Variants in IL20RB observed in about 807,000 individuals in gnomAD.
IL20RB encodes interleukin 20 receptor subunit beta.
Under a neutral mutation model 33.3 loss-of-function variants are expected in IL20RB, and 21 were observed. That is an observed-to-expected ratio of 0.63 (90% CI 0.45 to 0.91). The LOEUF (loss-of-function observed/expected upper bound fraction) is 0.91. IL20RB is among the 40% of genes least tolerant of loss of function. IL20RB has a pLI of 0.00. For synonymous variants in IL20RB, 147 were observed against 146.8 expected (o/e 1.00, Z -0.01); for missense variants, 345 against 384.8 (o/e 0.90, Z 0.86).
chr3:136,987,495 C>T (rs1041549698), intron 3 of IL20RB, among the ~76,000 whole-genome samples: 1 of 152,244 alleles, frequency 6.6e-6, no homozygotes, highest in African/African-American at 2.4e-5. Flanking sequence ...CTCCAAGGCC[C>T]CACCAGACTC....
Position 136,958,188 on chromosome 3 carries a change from A to G in IL20RB, c.75A>G (p.Pro25=), listed in dbSNP as rs750281696. Residue 25 remains proline, a synonymous_variant, in exon 1 of 7, where the codon CCA becomes CCG. Coordinates refer to ENST00000329582, the MANE Select transcript of IL20RB (RefSeq NM_144717.4). ...LFMWFFYALI[P]CLLTDEVAIL... ...TGTGGTTTTTCTACGCATTGATTCC[A>G]TGTTTGCTCACAGGTAAGTATGAAT... is the stretch of plus-strand genomic sequence containing the variant. 2.5e-6 allele frequency: 4 copies of G among 1,603,140 alleles called. No individual in the cohort carries two copies. The highest frequency in any genetic ancestry group is 1.7e-5 in the Admixed American group (1 of 60,008).
chr3:136,978,351 A>G (rs1428341177), intron 1 of IL20RB, among the ~76,000 whole-genome samples: 1 of 151,884 alleles, frequency 6.6e-6, no homozygotes, highest in African/African-American at 2.4e-5. Context: ...TTTTTAGTAG[A>G]GACTGGGTTT....
chr3:136,983,723 G>A (rs886373768), intron 3 of IL20RB, among the ~76,000 whole-genome samples: 1 of 152,246 alleles, frequency 6.6e-6, no homozygotes, highest in Non-Finnish European at 1.5e-5. Flanking sequence ...CCGGCTTTGA[G>A]ACTGAGATTT....
intron 1 of IL20RB, among the ~76,000 whole-genome samples, chr3:136,963,238 G>A (rs796895422): frequency 2.8e-4 from 43 of 152,278 alleles, no homozygotes; most frequent in African/African-American, 9.6e-4. Context: ...GCCGATTCCA[G>A]CTTGACTGTG....
chr3:137,010,029 C>A, intron 6 of IL20RB, 84 bp from the exon 7 acceptor site: 4 of 721,832 alleles, frequency 5.5e-6, no homozygotes, highest in Admixed American at 2.3e-5. Flanking sequence ...ATTAATTAAT[C>A]AAATAGTTAA....
At position 137,010,568 on chromosome 3, in the gene IL20RB, A is replaced by G; in HGVS notation, c.*345A>G. 4.7e-6 allele frequency: 1 copy of G among 212,498 alleles called. No homozygotes were observed. The highest frequency in any genetic ancestry group is 9.5e-6 in the Non-Finnish European group (1 of 105,362). 13.2% of individuals were successfully genotyped at this position (212,498 alleles called of 1,614,324 possible). A position where few individuals can be genotyped will look rare whatever the true frequency, so the allele number is the denominator to read the frequency against. ...ACACACACACAGAGTCTCTCTCTAT[A>G]TATACACACGTACACATAAATACAC... On this transcript the variant is annotated 3_prime_UTR_variant, in exon 7 of 7. Transcript: ENST00000329582.
At position 137,010,221 on chromosome 3, in the gene IL20RB, T is replaced by C. The variant is rs776946622; in HGVS notation, c.934T>C (p.Ter312GlnextTer15). 6.6e-6 allele frequency: 10 copies of C among 1,511,888 alleles called. No homozygotes were observed. In the South Asian group the frequency reaches 1.0e-4, roughly 15 times the overall value. 93.7% of individuals were successfully genotyped at this position (1,511,888 alleles called of 1,614,324 possible). The change falls in exon 7 of 7, where the codon TAG becomes CAG. Residue 312 changes from the stop codon to glutamine (Q), a stop_lost. Coordinates refer to ENST00000329582, the MANE Select transcript of IL20RB (RefSeq NM_144717.4). ...PEELLRAWIS[*>Q] ...GGAACTCCTCAGGGCCTGGATCTCA[T>C]AGGTTTGCGGAAGGGCCCAGGTGAA...
chr3:136,999,497 T>G (rs550798625), intron 6 of IL20RB, among the ~76,000 whole-genome samples: 7 of 151,820 alleles, frequency 4.6e-5, no homozygotes, highest in Non-Finnish European at 1.0e-4. Context: ...CGCCTTGGCC[T>G]CCCAAAGTGT....
chr3:136,982,575 G>A (rs946654809), intron 3 of IL20RB, among the ~76,000 whole-genome samples: 1 of 152,196 alleles, frequency 6.6e-6, no homozygotes, highest in Non-Finnish European at 1.5e-5. Flanking sequence ...CTGACTGTCT[G>A]TGTCAGGGTG....
rs369286516 is a variant in IL20RB, at chr3:136,984,890, A to G, written c.406+2540A>G. Among the ~76,000 whole-genome samples, 43 of 152,218 alleles carry G rather than the reference A, an allele frequency of 2.8e-4. 1 individual carries two copies. Among genetic ancestry groups the G allele is most frequent in the African/African-American group, 1.0e-3 (42 of 41,542 alleles). On this transcript the variant is annotated intron_variant, in intron 3 of 6. Coordinates refer to ENST00000329582, the MANE Select transcript of IL20RB (RefSeq NM_144717.4). ...AAGGGGCCCTGTAGGGCACTGCAAA[A>G]CTGCCACTACCTGCAGTGCCCAGGC...
chr3:136,963,692 T>TTTA (rs141567339), intron 1 of IL20RB, among the ~76,000 whole-genome samples: 165 of 132,066 alleles, frequency 1.2e-3, no homozygotes, highest in East Asian at 3.9e-3. Flanking sequence ...TTTTTTTTTT[T>TTTA]ATTTTTTTTT....
intron 6 of IL20RB, among the ~76,000 whole-genome samples, chr3:137,006,209 A>AT (rs1205464517): frequency 6.6e-6 from 1 of 151,488 alleles, no homozygotes; most frequent in Non-Finnish European, 1.5e-5. Context: ...TTTTTCCTTC[A>AT]TTTCAACCTT....
At chr3:136,979,959 C>T (rs756301116) in intron 1 of IL20RB, among the ~76,000 whole-genome samples, 6 of 152,142 alleles carry the variant, frequency 3.9e-5, no homozygotes, top group Non-Finnish European at 8.8e-5. Flanking sequence ...TGCTTAAAGC[C>T]ACATAGTAAG....
intron 1 of IL20RB, among the ~76,000 whole-genome samples, chr3:136,964,545 GT>G (rs1941320060): frequency 5.3e-5 from 3 of 56,850 alleles, no homozygotes; most frequent in African/African-American, 8.2e-5. Context: ...GGGGTTGTTT[GT>G]TTTTTTCTTG....
chr3:136,963,795 A>C, intron 1 of IL20RB, among the ~76,000 whole-genome samples: 1 of 102,196 alleles, frequency 9.8e-6, no homozygotes, highest in East Asian at 3.3e-4. Context: ...TGCACCCACT[A>C]ACGTGTCATC....
chr3:137,000,480 G>A (rs1942221923), intron 6 of IL20RB, among the ~76,000 whole-genome samples: 1 of 152,202 alleles, frequency 6.6e-6, no homozygotes, highest in Non-Finnish European at 1.5e-5. Flanking sequence ...AAGGAGCTGT[G>A]AAAAATGGGA....
intron 5 of IL20RB, among the ~76,000 whole-genome samples, chr3:136,992,647 A>T (rs1376745213): frequency 6.6e-6 from 1 of 152,262 alleles, no homozygotes; most frequent in Admixed American, 6.5e-5. Context: ...CTCAAACATC[A>T]CTAGTTACAT....
chr3:136,986,635 C>T (rs1344347970), intron 3 of IL20RB: 2 of 456,200 alleles, frequency 4.4e-6, no homozygotes, highest in Non-Finnish European at 8.8e-6. Context: ...CAGGCATAAA[C>T]ACTTCTCTGA....
At chr3:136,996,161 G>A (rs963033951) in intron 6 of IL20RB, among the ~76,000 whole-genome samples, 1 of 151,922 alleles carries the variant, frequency 6.6e-6, no homozygotes, top group African/African-American at 2.4e-5. Context: ...ACTCCTGAGG[G>A]CCCTGGACCA....
Sources: allele counts gnomAD v4.1 joint callset (sites outside exome capture counted in the v4.1 genomes callset), GRCh38; gene constraint gnomAD v4.1.1; transcripts MANE v1.5; gene names NCBI Gene and HGNC (gene_info 2026-07-23, HGNC 2026-07-21).